SIL1: variants seen among roughly 807,000 people sequenced by gnomAD.
The protein encoded by SIL1 is nucleotide exchange factor SIL1.
Under a neutral mutation model 49.1 loss-of-function variants are expected in SIL1, and 40 were observed. The observed-to-expected ratio is 0.81, with a 90% CI of 0.63 to 1.06. The LOEUF (loss-of-function observed/expected upper bound fraction) is 1.06, where lower values mean the gene tolerates loss of function less well. Ranked by LOEUF, SIL1 falls within the 50% of genes least tolerant of loss-of-function variation. The pLI is 0.00. For synonymous variants in SIL1, 253 were observed against 250.8 expected (o/e 1.01, Z -0.08); for missense variants, 500 against 572.6 (o/e 0.87, Z 1.29).
chr5:139,027,650 T>G (rs573652489), intron 5 of SIL1, among the ~76,000 whole-genome samples: 4 of 152,330 alleles, frequency 2.6e-5, no homozygotes, highest in Admixed American at 1.3e-4. Flanking sequence ...ATATAAAAAC[T>G]TTAAAAATGA....
intron 3 of SIL1, among the ~76,000 whole-genome samples, chr5:139,104,550 C>T (rs1388950135): frequency 6.6e-6 from 1 of 152,184 alleles, no homozygotes; most frequent in Non-Finnish European, 1.5e-5. Context: ...TCTCCCCTAG[C>T]AGAGGGCAAA....
chr5:139,110,956 C>A (rs187078018), intron 3 of SIL1, among the ~76,000 whole-genome samples: 10 of 152,354 alleles, frequency 6.6e-5, no homozygotes, highest in African/African-American at 1.4e-4. Flanking sequence ...ATTCCTCAGA[C>A]TCCAGCCATC....
intron 7 of SIL1, among the ~76,000 whole-genome samples, chr5:138,992,919 T>C (rs1331472898): frequency 1.3e-5 from 2 of 152,144 alleles, no homozygotes; most frequent in Admixed American, 6.5e-5. Flanking sequence ...AATAATCTTA[T>C]GCTAAACTAT....
chr5:139,122,594 C>CA (rs35550881), intron 2 of SIL1, among the ~76,000 whole-genome samples: 2,501 of 136,204 alleles, frequency 0.018, 30 homozygotes, highest in Non-Finnish European at 0.023. Flanking sequence ...GACCCTGTCT[C>CA]AAAAAAAAAA....
At chr5:139,128,159 A>C (rs1163629952) in intron 1 of SIL1, 5 of 391,238 alleles carry the variant, frequency 1.3e-5, no homozygotes, top group Non-Finnish European at 2.5e-5. Flanking sequence ...GGTGGTCTTG[A>C]CTATAAGGAG....
At position 139,180,337 on chromosome 5, in the gene SIL1, C is replaced by T. The variant is rs548502811; in HGVS notation, c.-11+17932G>A. On this transcript the variant is annotated intron_variant, in intron 1 of 9. Transcript: ENST00000394817. Reference sequence around the variant, plus strand: ...TGAAGATTGCAGTGAGCCGAGATCACGCCATTGCAATCCAGCCTGGGCAAC... The same window carrying T: ...TGAAGATTGCAGTGAGCCGAGATCATGCCATTGCAATCCAGCCTGGGCAAC... 4.1e-5 allele frequency among the ~76,000 whole-genome samples: 6 copies of T among 144,694 alleles called. No individual in the cohort carries two copies. The South Asian group carries it at 9.0e-4, about 22-fold the overall frequency. The allele number at this position is 144,694 out of a possible 152,430, so 94.9% of individuals were successfully genotyped here. A position where few individuals can be genotyped will look rare whatever the true frequency, so the allele number is the denominator to read the frequency against.
intron 1 of SIL1, among the ~76,000 whole-genome samples, chr5:139,164,920 AG>A (rs35856765): frequency 6.6e-6 from 1 of 152,258 alleles, no homozygotes; most frequent in Non-Finnish European, 1.5e-5. Context: ...TGGCATAACA[AG>A]GAAGAAAATA....
chr5:138,947,014 CCAAGCCAGCA>C lies in SIL1; in HGVS notation c.*93_*102del, dbSNP rs1766643474. ...TGGCCTTCAGGTTTCCATTTAATGG[CCAAGCCAGCA>C]CTGCCAAGATGTCCTCCTGCCTGAG... On this transcript the variant is annotated 3_prime_UTR_variant, in exon 10 of 10. Transcript: ENST00000394817. This position sits in a 1 kb window ranked among gnomAD's most constrained non-coding sequence, Gnocchi z 4.1. 1 of 888,360 alleles carries C rather than the reference CCAAGCCAGCA, an allele frequency of 1.1e-6. No homozygotes were observed. The highest frequency in any genetic ancestry group is 1.8e-6 in the Non-Finnish European group (1 of 542,424). 55.0% of individuals were successfully genotyped at this position (888,360 alleles called of 1,614,324 possible). A position where few individuals can be genotyped will look rare whatever the true frequency, so the allele number is the denominator to read the frequency against.
intron 7 of SIL1, among the ~76,000 whole-genome samples, chr5:138,956,966 A>G (rs1389951975): frequency 2.0e-5 from 3 of 152,082 alleles, no homozygotes; most frequent in Non-Finnish European, 4.4e-5. Context: ...AGGCAGGGCT[A>G]TCATCTGACC....
At chr5:139,012,091 T>C (rs2150420720) in intron 7 of SIL1, among the ~76,000 whole-genome samples, 1 of 152,296 alleles carries the variant, frequency 6.6e-6, no homozygotes, top group South Asian at 2.1e-4. Flanking sequence ...TCTCGCTCTG[T>C]TGCCCAGGCT....
At chr5:139,108,681 T>C (rs1370230328) in intron 3 of SIL1, among the ~76,000 whole-genome samples, 3 of 152,228 alleles carry the variant, frequency 2.0e-5, no homozygotes, top group Non-Finnish European at 4.4e-5. Context: ...TAGTTCTGAC[T>C]GATCAGCGAA....
intron 1 of SIL1, among the ~76,000 whole-genome samples, chr5:139,138,407 G>C (rs1442825587): frequency 6.6e-6 from 1 of 152,192 alleles, no homozygotes; most frequent in Non-Finnish European, 1.5e-5. Flanking sequence ...CTCCTAGCAA[G>C]ATACAGACAA....
chr5:139,059,073 C>T (rs1769525715), intron 3 of SIL1, among the ~76,000 whole-genome samples: 1 of 151,848 alleles, frequency 6.6e-6, no homozygotes, highest in South Asian at 2.1e-4. Context: ...TGTATATGTA[C>T]ACACACACAT....
chr5:139,003,214 A>G, intron 7 of SIL1, among the ~76,000 whole-genome samples: 1 of 151,446 alleles, frequency 6.6e-6, no homozygotes, highest in East Asian at 1.9e-4. Flanking sequence ...TGAAGAAGGG[A>G]CTCTCCCACC....
chr5:139,055,371 G>A (rs549071669), intron 3 of SIL1, among the ~76,000 whole-genome samples: 16 of 152,118 alleles, frequency 1.1e-4, no homozygotes, highest in African/African-American at 1.9e-4. Flanking sequence ...CTGCAACATC[G>A]TCACCAATTT....
At chr5:139,138,989 C>A (rs1262774094) in intron 1 of SIL1, among the ~76,000 whole-genome samples, 1 of 152,216 alleles carries the variant, frequency 6.6e-6, no homozygotes, top group African/African-American at 2.4e-5. Context: ...TGCCAGCTGA[C>A]TGACATCAAA....
At chr5:139,123,500 G>A (rs1395415486) in intron 2 of SIL1, among the ~76,000 whole-genome samples, 1 of 152,186 alleles carries the variant, frequency 6.6e-6, no homozygotes, top group Non-Finnish European at 1.5e-5. Context: ...CAAAGCACCT[G>A]AGTCTGCTCC....
chr5:138,967,380 C>G (rs183973295), intron 7 of SIL1, among the ~76,000 whole-genome samples: 1 of 152,174 alleles, frequency 6.6e-6, no homozygotes, highest in Non-Finnish European at 1.5e-5. Context: ...TTTTCAGAAC[C>G]GCTAGGCTAG....
intron 3 of SIL1, among the ~76,000 whole-genome samples, chr5:139,077,575 C>T (rs1199107672): frequency 6.6e-6 from 1 of 152,186 alleles, no homozygotes; most frequent in African/African-American, 2.4e-5. Flanking sequence ...TTCCCAACAG[C>T]TACTACCTTA....
Sources: gnomAD v4.1 joint callset for allele counts (sites outside exome capture counted in the v4.1 genomes callset) on GRCh38, gnomAD v4.1.1 for gene constraint, Gnocchi (gnomAD v3.1) non-coding constraint, MANE v1.5 for transcripts, NCBI Gene and HGNC (gene_info 2026-07-23, HGNC 2026-07-21) for gene names.